The following FBN2 variants were observed in gnomAD, a reference collection of about 807,000 sequenced individuals.
FBN2 encodes the protein fibrillin-2.
A neutral mutation model predicts 355.6 loss-of-function variants in FBN2; 105 were observed. The observed-to-expected ratio is 0.30, with a 90% confidence interval of 0.25 to 0.35. The LOEUF is 0.35. FBN2 is among the 10% of genes least tolerant of loss of function. FBN2 has a pLI of 1.00. For synonymous variants in FBN2, 1,350 were observed against 1,301.2 expected (o/e 1.04, Z -0.81); for missense variants, 3,280 against 3,758.7 (o/e 0.87, Z 3.33).
intron 34 of FBN2, among the ~76,000 whole-genome samples, chr5:128,327,585 T>C (rs1750587937): frequency 6.6e-6 from 1 of 151,774 alleles, no homozygotes; most frequent in African/African-American, 2.4e-5. Context: ...TTTTTTTTTT[T>C]CATGAGGCTG....
rs369131219 is a variant in FBN2, at chr5:128,532,242, G to A, written c.338-1549C>T. Among the ~76,000 whole-genome samples, 17 of 152,168 alleles carry A rather than the reference G, an allele frequency of 1.1e-4. No individual in the cohort carries two copies. The South Asian group carries it at 1.9e-3, about 17-fold the overall frequency. The stretch of plus-strand genomic sequence containing the variant: ...TTCCATATTATCTCCACAACCTAGC[G>A]TATTCCTACTGCTCAGAAAAGCTAC... On this transcript the variant is annotated intron_variant, in intron 2 of 64. Transcript: ENST00000262464.
At chr5:128,263,687 G>T in intron 62 of FBN2, 31 bp from the exon 63 acceptor site, 2 of 1,560,038 alleles carry the variant, frequency 1.3e-6, no homozygotes, top group Non-Finnish European at 1.8e-6. Context: ...ACTCTTACAC[G>T]GGGAAGCAGG....
intron 8 of FBN2, among the ~76,000 whole-genome samples, chr5:128,395,707 G>A (rs1374038506): frequency 6.6e-6 from 1 of 152,242 alleles, no homozygotes; most frequent in African/African-American, 2.4e-5. Context: ...AGCCATGGAA[G>A]TATCTGAGGA....
intron 42 of FBN2, among the ~76,000 whole-genome samples, chr5:128,306,309 A>G (rs1749875476): frequency 6.6e-6 from 1 of 152,188 alleles, no homozygotes; most frequent in East Asian, 1.9e-4. Flanking sequence ...TCATATATTC[A>G]TAATGGAGAC....
intron 34 of FBN2, among the ~76,000 whole-genome samples, chr5:128,320,313 C>T (rs2126875496): frequency 6.6e-6 from 1 of 151,908 alleles, no homozygotes; most frequent in East Asian, 1.9e-4. Context: ...CTCCTGGGCT[C>T]AAGCAATCCT....
At position 128,335,677 on chromosome 5, in the gene FBN2, T is replaced by C. The variant is rs1252788543; in HGVS notation, c.3725-100A>G. ...ATGCTAATGTGGCTTTGAATTTTTC[T>C]CCCCACTATGTGTGTTGATTGAACA... On this transcript the variant is annotated intron_variant, in intron 28 of 64. Transcript: ENST00000262464. 3 of 1,380,030 alleles carry C rather than the reference T, an allele frequency of 2.2e-6. No homozygotes were observed. In the South Asian group the frequency reaches 3.5e-5, roughly 16 times the overall value. 85.5% of individuals were successfully genotyped at this position (1,380,030 alleles called of 1,614,324 possible). A position where few individuals can be genotyped will look rare whatever the true frequency, so the allele number is the denominator to read the frequency against.
At chr5:128,298,197 G>A (rs1247081017) in intron 48 of FBN2, among the ~76,000 whole-genome samples, 17 of 151,916 alleles carry the variant, frequency 1.1e-4, no homozygotes, top group Non-Finnish European at 2.1e-4. Context: ...AGTTTCTGCC[G>A]AGAGATCCGC....
At chr5:128,334,212 G>T (rs1415025263) in intron 31 of FBN2, among the ~76,000 whole-genome samples, 1 of 152,134 alleles carries the variant, frequency 6.6e-6, no homozygotes, top group Non-Finnish European at 1.5e-5. Context: ...TTTGGGCACA[G>T]AGAAGAGAAG....
intron 7 of FBN2, among the ~76,000 whole-genome samples, chr5:128,443,650 T>G (rs1484490700): frequency 6.6e-6 from 1 of 152,210 alleles, no homozygotes; most frequent in African/African-American, 2.4e-5. Context: ...CTGAACTTAC[T>G]TTTCTTATTT....
chr5:128,366,517 T>G (rs1241105610), intron 16 of FBN2, 87 bp from the exon 17 acceptor site: 6 of 726,884 alleles, frequency 8.3e-6, no homozygotes, highest in Non-Finnish European at 1.4e-5. Context: ...AAACTACCAT[T>G]AGGAAGAATT....
In FBN2 at chr5:128,349,427, C is replaced by T. The variant is rs368402648; in HGVS notation, c.2909G>A (p.Arg970His). 18 of 1,613,820 alleles carry T rather than the reference C, an allele frequency of 1.1e-5. No homozygotes were observed. The highest frequency in any genetic ancestry group is 1.5e-5 in the Non-Finnish European group (18 of 1,179,872). ...EVFPGVCPNGRCVNSKGSFHC... is the reference protein window; with the variant it reads ...EVFPGVCPNGHCVNSKGSFHC... ...AAAAGATCCCTTACTGTTGACACAG[C>T]GTCCATTTGGACAAACGCCAGGGAA... Residue 970 changes from arginine to histidine, a missense_variant, in exon 23 of 65, where the codon CGC (arginine) becomes CAC (histidine). Physicochemically the swap from Arg to His is conservative, Grantham distance 29. Coordinates refer to ENST00000262464, the MANE Select transcript of FBN2 (RefSeq NM_001999.4).
At chr5:128,480,909 C>G (rs1409146379) in intron 5 of FBN2, among the ~76,000 whole-genome samples, 1 of 152,096 alleles carries the variant, frequency 6.6e-6, no homozygotes, top group Non-Finnish European at 1.5e-5. Flanking sequence ...CTACATAAAC[C>G]TCACTGTGGC....
intron 62 of FBN2, among the ~76,000 whole-genome samples, chr5:128,268,120 T>C (rs1765164985): frequency 6.6e-6 from 1 of 151,812 alleles, no homozygotes. Flanking sequence ...ATTAACAAAA[T>C]ACACCACTAG....
chr5:128,369,732 G>A (rs551081561), intron 15 of FBN2, among the ~76,000 whole-genome samples: 83 of 152,272 alleles, frequency 5.5e-4, no homozygotes, highest in African/African-American at 1.9e-3. Flanking sequence ...ACAATGAAGT[G>A]CAATCAAGTT....
At chr5:128,328,430 AAGAAG>A in intron 34 of FBN2, 2 of 605,802 alleles carry the variant, frequency 3.3e-6, no homozygotes, top group East Asian at 2.7e-5. Context: ...AAAAAAGAGA[AAGAAG>A]AGAAGAAATG....
chr5:128,311,885 C>A lies in FBN2; in HGVS notation c.4948G>T (p.Asp1650Tyr), dbSNP rs1217840837. 6.2e-7 allele frequency: 1 copy of A among 1,604,510 alleles called. No individual in the cohort carries two copies. The highest frequency in any genetic ancestry group is 1.7e-5 in the Admixed American group (1 of 60,000). ...CTGGGTGACAATGGGATTAGCTCAC[C>A]TTCTAAAATGATTGTGATGGGGTTA... ...RPNPITIILE[D>Y]IDECQELPGL... Residue 1650 changes from aspartate to tyrosine, a missense_variant and splice_region_variant, in exon 38 of 65, where the codon GAC becomes TAC. This residue lies in a region of FBN2 where 2,284 missense variants were observed against 2,749.5 expected (regional missense o/e 0.83). Coordinates refer to ENST00000262464, the MANE Select transcript of FBN2 (RefSeq NM_001999.4).
intron 7 of FBN2, among the ~76,000 whole-genome samples, chr5:128,418,365 A>T (rs997655308): frequency 2.0e-5 from 3 of 151,284 alleles, no homozygotes; most frequent in Non-Finnish European, 4.4e-5. Context: ...TCTGATCTTT[A>T]TTTCTTTCCT....
chr5:128,344,374 A>G lies in FBN2; in HGVS notation c.3343+11T>C, dbSNP rs1464887783. The G allele has an allele frequency of 6.2e-7, 1 of 1,613,922 alleles. No individual in the cohort carries two copies. The highest frequency in any genetic ancestry group is 8.5e-7 in the Non-Finnish European group (1 of 1,179,896). ...CAGAGTTTATCAAATAAAACAGCAGAACCATCTTACCCGTGCAGTTTCTTT... is the reference window on the plus strand; with the variant it reads ...CAGAGTTTATCAAATAAAACAGCAGGACCATCTTACCCGTGCAGTTTCTTT... On this transcript the variant is annotated intron_variant, in intron 25 of 64. Transcript: ENST00000262464.
Position 128,294,784 on chromosome 5 carries a change from T to C in FBN2, c.6167-3130A>G, listed in dbSNP as rs569391712. ...CGAAAATTTTCTCCCATTTTGTAGG[T>C]TGCCTGTTCACTCTGATGGTAGTTT... On this transcript the variant is annotated intron_variant, in intron 48 of 64. Transcript: ENST00000262464. Among the ~76,000 whole-genome samples, 278 of 149,754 alleles carry C rather than the reference T, an allele frequency of 1.9e-3. 1 individual carries two copies. Among genetic ancestry groups the C allele is most frequent in the Non-Finnish European group, 2.8e-3 (187 of 67,616 alleles).
Sources: gnomAD v4.1 joint callset for allele counts (sites outside exome capture counted in the v4.1 genomes callset) on GRCh38, gnomAD v4.1.1 for gene constraint, gnomAD v4.1.1 regional missense constraint, MANE v1.5 for transcripts, NCBI Gene and HGNC (gene_info 2026-07-23, HGNC 2026-07-21) for gene names.